PDS5A: variants seen among roughly 807,000 people sequenced by gnomAD.
PDS5A encodes the protein sister chromatid cohesion protein PDS5 homolog A.
PDS5A carries 42 observed loss-of-function variants against 167.1 expected under a neutral mutation model. The observed-to-expected ratio is 0.25, with a 90% confidence interval of 0.20 to 0.33. The LOEUF (loss-of-function observed/expected upper bound fraction) is 0.33. Ranked by LOEUF, PDS5A falls within the 10% of genes least tolerant of loss-of-function variation. The pLI, the probability that PDS5A is intolerant of heterozygous loss-of-function variation, is 1.00. For missense variants in PDS5A, 1,033 were observed against 1,605.9 expected (o/e 0.64, Z 6.10); for synonymous variants, 553 against 554.6 (o/e 1.00, Z 0.04).
At chr4:39,902,589 C>A (rs868364334) in intron 12 of PDS5A, 129 bp from the exon 13 acceptor site, 1 of 516,926 alleles carries the variant, frequency 1.9e-6, no homozygotes, top group Non-Finnish European at 3.4e-6. Context: ...GTGGTGCAAA[C>A]TCGGCTCAAT....
chr4:39,905,474 C>T (rs1337056373), intron 11 of PDS5A, among the ~76,000 whole-genome samples: 1 of 152,190 alleles, frequency 6.6e-6, no homozygotes, highest in Non-Finnish European at 1.5e-5. Context: ...AGGGAAATCA[C>T]TTGAGCCTGA....
chr4:39,962,744 C>G (rs1729609550), intron 2 of PDS5A, among the ~76,000 whole-genome samples: 1 of 152,058 alleles, frequency 6.6e-6, no homozygotes, highest in African/African-American at 2.4e-5. Flanking sequence ...GCGGAGGTTG[C>G]AGTGAACACA....
At chr4:39,876,572 C>T (rs923764259) in intron 19 of PDS5A, among the ~76,000 whole-genome samples, 1 of 152,110 alleles carries the variant, frequency 6.6e-6, no homozygotes, top group Non-Finnish European at 1.5e-5. Context: ...TTCACCTTAA[C>T]CTTTTTAAGA....
chr4:39,907,258 C>G (rs1723456267), intron 11 of PDS5A, among the ~76,000 whole-genome samples: 1 of 152,070 alleles, frequency 6.6e-6, no homozygotes, highest in African/African-American at 2.4e-5. Flanking sequence ...CACTGTTGAA[C>G]AACTTAAAAG....
At chr4:39,919,972 C>A (rs1403895311) in intron 7 of PDS5A, among the ~76,000 whole-genome samples, 1 of 150,672 alleles carries the variant, frequency 6.6e-6, no homozygotes, top group Non-Finnish European at 1.5e-5. Flanking sequence ...CATTACAGGA[C>A]TTCAGAAGAA....
intron 2 of PDS5A, among the ~76,000 whole-genome samples, chr4:39,966,163 T>C (rs957008496): frequency 2.0e-5 from 3 of 152,196 alleles, no homozygotes; most frequent in African/African-American, 7.2e-5. Context: ...CAGAATCTTC[T>C]GCAATACAAA....
intron 2 of PDS5A, among the ~76,000 whole-genome samples, chr4:39,959,822 G>A (rs1729309863): frequency 6.6e-6 from 1 of 151,926 alleles, no homozygotes; most frequent in African/African-American, 2.4e-5. Context: ...CAGGCGTGGT[G>A]GTTCACGCCT....
Position 39,823,644 on chromosome 4 carries a change from G to C in PDS5A, c.*1841C>G, listed in dbSNP as rs1010031722. On this transcript the variant is annotated 3_prime_UTR_variant, in exon 33 of 33. Transcript: ENST00000303538. ...CTTGAGGGACTTCTCTGATACTTAT[G>C]CATAGATACTCTTTTTCAGCATGTT... The C allele has an allele frequency of 2.0e-5, 3 of 152,556 alleles. 1 individual carries two copies. The highest frequency in any genetic ancestry group is 4.1e-4 in the South Asian group (2 of 4,826). 9.5% of individuals were successfully genotyped at this position (152,556 alleles called of 1,614,324 possible).
intron 17 of PDS5A, among the ~76,000 whole-genome samples, chr4:39,886,399 G>C (rs1309116082): frequency 2.6e-5 from 4 of 151,986 alleles, no homozygotes; most frequent in Non-Finnish European, 5.9e-5. Flanking sequence ...AAATTACTTT[G>C]AGTAGTACTG....
intron 2 of PDS5A, among the ~76,000 whole-genome samples, chr4:39,955,912 C>T (rs996186284): frequency 3.3e-5 from 5 of 151,674 alleles, no homozygotes; most frequent in Admixed American, 6.6e-5. Context: ...GTCAGGAGTT[C>T]GAGACCAGCC....
intron 18 of PDS5A, 28 bp downstream of exon 18, chr4:39,879,699 AC>A: frequency 7.4e-7 from 1 of 1,355,902 alleles, no homozygotes; most frequent in Non-Finnish European, 1.1e-6. Flanking sequence ...CCACGGAAAT[AC>A]ATGGCAACAA....
intron 18 of PDS5A, among the ~76,000 whole-genome samples, chr4:39,878,042 T>G (rs965975187): frequency 7.9e-5 from 12 of 152,214 alleles, no homozygotes; most frequent in African/African-American, 2.9e-4. Context: ...TTTTAGCAAG[T>G]TAGATACATG....
chr4:39,931,962 G>A (rs1259466583), intron 2 of PDS5A, among the ~76,000 whole-genome samples: 4 of 151,058 alleles, frequency 2.6e-5, no homozygotes, highest in African/African-American at 9.8e-5. Context: ...CATGATCTTG[G>A]CTCACTGCAA....
chr4:39,930,242 A>T, intron 2 of PDS5A, among the ~76,000 whole-genome samples: 1 of 127,688 alleles, frequency 7.8e-6, no homozygotes, highest in Middle Eastern at 3.5e-3. Flanking sequence ...AAAAAAAAAA[A>T]AAAAGTTTTT....
chr4:39,957,658 C>T (rs1348047548), intron 2 of PDS5A, among the ~76,000 whole-genome samples: 4 of 151,660 alleles, frequency 2.6e-5, no homozygotes, highest in South Asian at 2.1e-4. Context: ...TGGTGGCGGG[C>T]GCCTGTAGTC....
At chr4:39,974,138 C>T (rs62309249) in intron 2 of PDS5A, 31,792 of 571,722 alleles carry the variant, frequency 0.056, 1,214 homozygotes, top group Non-Finnish European at 0.079. Context: ...AAATAAAAAC[C>T]GTGCTGCATA....
chr4:39,860,185 C>T (rs1185418713), intron 26 of PDS5A, among the ~76,000 whole-genome samples: 5 of 152,056 alleles, frequency 3.3e-5, no homozygotes, highest in Admixed American at 1.3e-4. Context: ...ACATCTTGGC[C>T]GGGCACAGTG....
chr4:39,964,904 C>T lies in PDS5A; in HGVS notation c.138+11536G>A, dbSNP rs140469233. ...GTTGCAGTGAGCCGAGGTCGTGCCA[C>T]TGCACTCCAGCCTGGGTGACAGAAA... On this transcript the variant is annotated intron_variant, in intron 2 of 32. Coordinates refer to ENST00000303538, the MANE Select transcript of PDS5A (RefSeq NM_001100399.2). 4.7e-3 allele frequency among the ~76,000 whole-genome samples: 712 copies of T among 150,840 alleles called. 7 individuals carry two copies. Among genetic ancestry groups the T allele is most frequent in the African/African-American group, 0.016 (671 of 41,056 alleles).
chr4:39,907,924 G>C (rs922540977), intron 11 of PDS5A, among the ~76,000 whole-genome samples: 2 of 152,146 alleles, frequency 1.3e-5, no homozygotes, highest in African/African-American at 2.4e-5. Flanking sequence ...GAAAATCACA[G>C]GAAAAATAAC....
Sources: allele counts gnomAD v4.1 joint callset (sites outside exome capture counted in the v4.1 genomes callset), GRCh38; gene constraint gnomAD v4.1.1; transcripts MANE v1.5; gene names NCBI Gene and HGNC (gene_info 2026-07-23, HGNC 2026-07-21).